The following NAA11 variants were observed in gnomAD, a reference collection of about 807,000 sequenced individuals.
NAA11 encodes N-alpha-acetyltransferase 11.
A neutral mutation model predicts 16.1 loss-of-function variants in NAA11; 15 were observed. The ratio of observed to expected loss-of-function variants is 0.93; its 90% CI spans 0.62 to 1.44. The LOEUF (loss-of-function observed/expected upper bound fraction) is 1.44. Ranked by LOEUF, NAA11 falls within the 40% of genes most tolerant of loss-of-function variation. The pLI, the probability that NAA11 is intolerant of heterozygous loss-of-function variation, is 0.00. For missense variants in NAA11, 298 were observed against 291.3 expected (o/e 1.02, Z -0.17); for synonymous variants, 122 against 112.4 (o/e 1.09, Z -0.54).
At chr4:79,256,921 G>A (rs1400040266) in intron 2 of NAA11, among the ~76,000 whole-genome samples, 2 of 151,878 alleles carry the variant, frequency 1.3e-5, no homozygotes, top group South Asian at 2.1e-4. Flanking sequence ...TTACAGACAT[G>A]AGCCACCATG....
chr4:79,219,534 G>A, the NAA11 span, among the ~76,000 whole-genome samples: 238 of 152,138 alleles, frequency 1.6e-3, no homozygotes, highest in Middle Eastern at 6.8e-3. Flanking sequence ...GACTAAAATG[G>A]ACCTTAGGGG....
At chr4:79,219,737 C>T in the NAA11 span, among the ~76,000 whole-genome samples, 1 of 152,118 alleles carries the variant, frequency 6.6e-6, no homozygotes, top group Non-Finnish European at 1.5e-5. Context: ...TGTATATATA[C>T]ATTTTTTCTG....
At chr4:79,291,523 G>A (rs1444581508) in intron 2 of NAA11, among the ~76,000 whole-genome samples, 6 of 152,038 alleles carry the variant, frequency 3.9e-5, no homozygotes, top group South Asian at 4.2e-4. Flanking sequence ...TTAGGTGTTC[G>A]AGACCAGCCT....
intron 1 of NAA11, among the ~76,000 whole-genome samples, chr4:79,323,620 A>C (rs573416419): frequency 3.0e-3 from 451 of 152,238 alleles, no homozygotes; most frequent in African/African-American, 0.01. Context: ...GGAGATCAAG[A>C]CCATCCTGGC....
intron 2 of NAA11, chr4:79,245,672 AC>A (rs1195666299): frequency 6.5e-6 from 1 of 153,630 alleles, no homozygotes; most frequent in African/African-American, 2.5e-5. Context: ...CCCAGCAGCC[AC>A]CCCGTCTGGG....
chr4:79,215,439 C>A, the NAA11 span, among the ~76,000 whole-genome samples: 3 of 152,156 alleles, frequency 2.0e-5, no homozygotes, highest in Admixed American at 1.3e-4. Flanking sequence ...CCAGTCCCCC[C>A]TAAAAAGAAG....
chr4:79,316,598 T>G (rs1723935227), downstream of NAA11: 1 of 152,206 alleles, frequency 6.6e-6, no homozygotes, highest in Admixed American at 6.5e-5. Context: ...TTATATACTT[T>G]GGTAATTCAC....
the NAA11 span, among the ~76,000 whole-genome samples, chr4:79,175,228 A>G: frequency 6.6e-6 from 1 of 152,140 alleles, no homozygotes; most frequent in African/African-American, 2.4e-5. Flanking sequence ...GCATCAGATA[A>G]CTTATGTGTC....
chr4:79,242,031 ATG>A (rs958827080), intron 2 of NAA11, among the ~76,000 whole-genome samples: 5 of 152,156 alleles, frequency 3.3e-5, no homozygotes, highest in African/African-American at 9.7e-5. Context: ...TGCTATTCCA[ATG>A]TGTTTCTTGA....
chr4:79,175,593 GC>G, the NAA11 span, among the ~76,000 whole-genome samples: 267 of 151,810 alleles, frequency 1.8e-3, 3 homozygotes, highest in Non-Finnish European at 6.2e-4. Flanking sequence ...TCCTATCCTT[GC>G]CCCCATTAAC....
At chr4:79,206,415 A>T in the NAA11 span, among the ~76,000 whole-genome samples, 1 of 152,134 alleles carries the variant, frequency 6.6e-6, no homozygotes, top group Non-Finnish European at 1.5e-5. Context: ...AACTTCTCTT[A>T]GAAGCAAAAT....
chr4:79,225,726 TCTTA>T (rs1398414923), exon 3 of NAA11: 1 of 152,034 alleles, frequency 6.6e-6, no homozygotes, highest in African/African-American at 2.4e-5. Flanking sequence ...AAGTCTGGAG[TCTTA>T]CTTTCTGCTC....
At chr4:79,322,514 T>TATAC (rs1553897649) in intron 1 of NAA11, among the ~76,000 whole-genome samples, 2 of 151,664 alleles carry the variant, frequency 1.3e-5, no homozygotes, top group African/African-American at 2.4e-5. Flanking sequence ...TGTATATATA[T>TATAC]ATATATGGTT....
intron 2 of NAA11, among the ~76,000 whole-genome samples, chr4:79,250,277 C>T (rs890885903): frequency 1.3e-5 from 2 of 152,222 alleles, no homozygotes; most frequent in Non-Finnish European, 2.9e-5. Flanking sequence ...TGTCCATTCC[C>T]ATAGGAAGAG....
At chr4:79,188,351 C>T in the NAA11 span, among the ~76,000 whole-genome samples, 2 of 152,038 alleles carry the variant, frequency 1.3e-5, no homozygotes, top group African/African-American at 2.4e-5. Flanking sequence ...TTTGGGAGGC[C>T]GAGGCGGGTG....
exon 3 of NAA11, chr4:79,225,800 T>C (rs1040587129): frequency 5.9e-5 from 9 of 152,070 alleles, no homozygotes; most frequent in African/African-American, 1.9e-4. Flanking sequence ...TAATTGCTTC[T>C]AGTTAATACA....
At chr4:79,213,850 G>A in the NAA11 span, among the ~76,000 whole-genome samples, 1 of 152,282 alleles carries the variant, frequency 6.6e-6, no homozygotes, top group Non-Finnish European at 1.5e-5. Flanking sequence ...AAATACTGAT[G>A]ACATCATTTT....
the NAA11 span, among the ~76,000 whole-genome samples, chr4:79,171,789 T>C: frequency 6.6e-6 from 1 of 152,192 alleles, no homozygotes; most frequent in African/African-American, 2.4e-5. Context: ...CTATGACACA[T>C]ATTTAGGAGT....
At chr4:79,175,461 AC>A in the NAA11 span, among the ~76,000 whole-genome samples, 1 of 152,082 alleles carries the variant, frequency 6.6e-6, no homozygotes, top group African/African-American at 2.4e-5. Context: ...GTCCTCCTTA[AC>A]ATCATAAAAG....
Sources: allele counts gnomAD v4.1 joint callset (sites outside exome capture counted in the v4.1 genomes callset), GRCh38; gene constraint gnomAD v4.1.1; transcripts MANE v1.5; gene names NCBI Gene and HGNC (gene_info 2026-07-23, HGNC 2026-07-21).